Variants in EVC2 observed in about 807,000 individuals in gnomAD.
EVC2 encodes the protein EvC ciliary complex subunit 2.
A neutral mutation model predicts 149.3 loss-of-function variants in EVC2; 148 were observed. The observed-to-expected ratio is 0.99, with a 90% CI of 0.87 to 1.14. EVC2 has a LOEUF of 1.14. EVC2 is among the 50% of genes most tolerant of loss of function. EVC2 has a pLI of 0.00. For missense variants in EVC2, 1,854 were observed against 1,627.3 expected (o/e 1.14, Z -2.40); for synonymous variants, 776 against 649.9 (o/e 1.19, Z -2.95).
chr4:5,573,786 T>C (rs1722766142), intron 19 of EVC2, among the ~76,000 whole-genome samples: 1 of 152,080 alleles, frequency 6.6e-6, no homozygotes, highest in Non-Finnish European at 1.5e-5. Flanking sequence ...CCCTAACCCC[T>C]CCTTCCTGCT....
chr4:5,540,673 G>C (rs531057406), downstream of EVC2, among the ~76,000 whole-genome samples: 2 of 152,318 alleles, frequency 1.3e-5, no homozygotes, highest in East Asian at 3.9e-4. Flanking sequence ...GCCCTAGAGG[G>C]AGGAATTTAC....
intron 16 of EVC2, among the ~76,000 whole-genome samples, chr4:5,612,976 G>C (rs540397623): frequency 6.6e-6 from 1 of 151,426 alleles, no homozygotes; most frequent in African/African-American, 2.4e-5. Context: ...AGAGCAGGAG[G>C]AGACGAGGTA....
intron 19 of EVC2, 34 bp from the exon 20 acceptor site, chr4:5,568,674 G>A (rs371930088): frequency 1.3e-5 from 21 of 1,583,150 alleles, no homozygotes; most frequent in Non-Finnish European, 1.6e-5. Context: ...TCAGACCCTC[G>A]CCGCCTCTCA....
chr4:5,563,157 T>G (rs766766444), intron 21 of EVC2, 42 bp from the exon 22 acceptor site: 5 of 1,591,456 alleles, frequency 3.1e-6, no homozygotes, highest in Non-Finnish European at 4.3e-6. Flanking sequence ...TTTTTGGCAA[T>G]GAACCCTCTG....
In EVC2 at chr4:5,554,012, C is replaced by T. The variant is rs148187340; in HGVS notation, c.3420-10800G>A. Among the ~76,000 whole-genome samples, 275 of 152,192 alleles carry T rather than the reference C, an allele frequency of 1.8e-3. 1 individual carries two copies. Among genetic ancestry groups the T allele is most frequent in the African/African-American group, 6.3e-3 (262 of 41,518 alleles). ...ACATTGCAACAACACATATGCATTGCCATATACCAAAACTGGAGGAAAAAA... is the reference window on the plus strand; with the variant it reads ...ACATTGCAACAACACATATGCATTGTCATATACCAAAACTGGAGGAAAAAA... On this transcript the variant is annotated intron_variant and NMD_transcript_variant, in intron 21 of 22. Transcript: ENST00000475313.
chr4:5,598,829 A>G lies in EVC2; in HGVS notation c.2830-13979T>C, dbSNP rs534115020. Reference sequence around the variant, plus strand: ...TTTTGCAACCTACTCATCAGACAAAAGGCTAATATCCAGAATCTACAATGA... The same window carrying G: ...TTTTGCAACCTACTCATCAGACAAAGGGCTAATATCCAGAATCTACAATGA... On this transcript the variant is annotated intron_variant, in intron 16 of 21. Transcript: ENST00000344408. 6.3e-3 allele frequency among the ~76,000 whole-genome samples: 965 copies of G among 152,262 alleles called. 3 individuals carry two copies. The highest frequency in any genetic ancestry group is 0.014 in the South Asian group (68 of 4,814).
At position 5,640,685 on chromosome 4, in the gene EVC2, T is replaced by C; in HGVS notation, c.1299A>G (p.Lys433=). The change falls in exon 10 of 22, where the codon AAA becomes AAG. Residue 433 remains lysine (K), a synonymous_variant. Transcript: ENST00000344408. This position sits in a 1 kb window ranked among gnomAD's most constrained non-coding sequence, Gnocchi z 4.6. ...CATTTTCCAGCAATAGAAACTGCTT[T>C]TTGAAAACAGCACTCATTTTTCTCT... ...QVERKMSAVF[K]KQFLLLENEI... The C allele has an allele frequency of 6.2e-7, 1 of 1,614,160 alleles. No homozygotes were observed.
intron 9 of EVC2, among the ~76,000 whole-genome samples, chr4:5,649,075 C>T (rs1202923315): frequency 1.3e-5 from 2 of 152,164 alleles, no homozygotes; most frequent in Non-Finnish European, 2.9e-5. Flanking sequence ...CCCTGAAAGT[C>T]CCTAACAATC....
At chr4:5,562,329 G>T (rs990642811), downstream of EVC2, 3 of 536,216 alleles carry the variant, frequency 5.6e-6, no homozygotes, top group Non-Finnish European at 7.2e-6. The surrounding 1 kb of genome is among the most constrained non-coding windows in gnomAD (Gnocchi z 4.3). Context: ...CAACTGGAGC[G>T]ATAGAGGGCG....
At chr4:5,568,006 G>A (rs889459729) in intron 20 of EVC2, among the ~76,000 whole-genome samples, 4 of 152,136 alleles carry the variant, frequency 2.6e-5, no homozygotes, top group Non-Finnish European at 4.4e-5. Context: ...TATCCACAGC[G>A]TGCTCACTCC....
intron 19 of EVC2, among the ~76,000 whole-genome samples, 161 bp from the exon 20 acceptor site, chr4:5,568,801 A>T (rs1722472976): frequency 6.6e-6 from 1 of 152,184 alleles, no homozygotes; most frequent in Non-Finnish European, 1.5e-5. Context: ...CTGTCAAAAA[A>T]AACCTATTTG....
rs923750089 is a variant in EVC2, at chr4:5,614,561, A to C, written c.2829+861T>G. Among the ~76,000 whole-genome samples the C allele has an allele frequency of 1.8e-4, 27 of 152,230 alleles. No individual in the cohort carries two copies. The highest frequency in any genetic ancestry group is 6.3e-4 in the African/African-American group (26 of 41,458). On this transcript the variant is annotated intron_variant, in intron 16 of 21. Coordinates refer to ENST00000344408, the MANE Select transcript of EVC2 (RefSeq NM_147127.5). The surrounding 1 kb of genome is among the most constrained non-coding windows in gnomAD (Gnocchi z 4.7). Reference sequence around the variant, plus strand: ...CCAAGAGCTGAGGGAACACCTCAGGACAGCAAGGACACAAGTTATTTATCC... The same window carrying C: ...CCAAGAGCTGAGGGAACACCTCAGGCCAGCAAGGACACAAGTTATTTATCC...
chr4:5,543,021 A>C, intron 22 of EVC2: 3 of 639,122 alleles, frequency 4.7e-6, no homozygotes, highest in South Asian at 1.7e-5. Context: ...CGGGCAGAGC[A>C]GAATTCTGTA....
chr4:5,690,411 T>G (rs566827618), intron 4 of EVC2, among the ~76,000 whole-genome samples: 2 of 151,902 alleles, frequency 1.3e-5, no homozygotes, highest in South Asian at 2.1e-4. Context: ...TGTTGTTTTT[T>G]TTTTTTTTTT....
At chr4:5,619,071 C>T (rs993841080) in intron 14 of EVC2, among the ~76,000 whole-genome samples, 9 of 152,142 alleles carry the variant, frequency 5.9e-5, no homozygotes, top group Non-Finnish European at 1.5e-5. Flanking sequence ...GAGAGACACA[C>T]AAAACTCAGC....
intron 16 of EVC2, among the ~76,000 whole-genome samples, chr4:5,601,750 A>G (rs1309174168): frequency 6.6e-6 from 1 of 152,220 alleles, no homozygotes; most frequent in Non-Finnish European, 1.5e-5. Flanking sequence ...CTTTCCCAGG[A>G]AACTAATAAA....
chr4:5,539,775 A>AC (rs562273819), downstream of EVC2, among the ~76,000 whole-genome samples: 450 of 129,970 alleles, frequency 3.5e-3, 6 homozygotes, highest in South Asian at 0.027. Context: ...TATACTACAA[A>AC]AACACACACA....
intron 11 of EVC2, among the ~76,000 whole-genome samples, chr4:5,631,549 CA>C (rs1359672710): frequency 1.4e-5 from 2 of 147,608 alleles, no homozygotes; most frequent in African/African-American, 2.5e-5. Flanking sequence ...GTAACTTGCT[CA>C]AGTTCACGCA....
chr4:5,561,491 G>C (rs917431404), downstream of EVC2, among the ~76,000 whole-genome samples: 3 of 152,196 alleles, frequency 2.0e-5, no homozygotes, highest in Admixed American at 6.5e-5. Context: ...ATGCAGTCAA[G>C]TGGCAGCTGA....
Sources: gnomAD v4.1 joint callset for allele counts (sites outside exome capture counted in the v4.1 genomes callset) on GRCh38, gnomAD v4.1.1 for gene constraint, Gnocchi (gnomAD v3.1) non-coding constraint, MANE v1.5 for transcripts, NCBI Gene and HGNC (gene_info 2026-07-23, HGNC 2026-07-21) for gene names.